Variants in NELFA observed in about 807,000 individuals in gnomAD.
NELFA encodes negative elongation factor complex member A, also known as negative elongation factor A.
A neutral mutation model predicts 51.8 loss-of-function variants in NELFA; 35 were observed. That is an observed-to-expected ratio of 0.68 (90% confidence interval 0.52 to 0.90). The LOEUF is 0.90. NELFA is among the 40% of genes least tolerant of loss of function. The pLI is 0.00. For missense variants in NELFA, 658 were observed against 746.4 expected, an observed-to-expected ratio of 0.88 and a Z score of 1.38; for synonymous variants, 417 against 338.4, an observed-to-expected ratio of 1.23 and a Z score of -2.55.
Position 1,984,815 on chromosome 4 carries a change from C to T in NELFA, c.1029G>A (p.Thr343=), listed in dbSNP as rs2234570. The T allele has an allele frequency of 0.2, 308,522 of 1,557,848 alleles. 36,066 individuals are homozygous for T. The highest frequency in any genetic ancestry group is 0.59 in the East Asian group (24,434 of 41,758). ...PASSYIPSSE[T]PPAPSSREAS... is the part of the protein sequence containing the mutation. ...TGGGGCCAGCAGACTCACCTGGGGG[C>T]GTCTCGGAGCTGGGGATGTAGGAGG... is the stretch of plus-strand genomic sequence containing the variant. Residue 343 remains threonine (T), a synonymous_variant, in exon 8 of 11, where the codon ACG becomes ACA. Transcript: ENST00000382882.
Position 1,983,606 on chromosome 4 carries a change from G to A in NELFA, c.1392C>T (p.Ala464=), listed in dbSNP as rs765255244. ...GCCTTATGAACATACCTCGGGAGCC[G>A]GCCATGAAGCCCAGGATGAGGGCCT... ...PEKALILGFM[A]GSRENPCQEQ... The change falls in exon 10 of 11, where the codon GCC becomes GCT. Residue 464 remains alanine (A), a synonymous_variant. Coordinates refer to ENST00000382882, the MANE Select transcript of NELFA (RefSeq NM_005663.5). 51 of 1,613,908 alleles carry A rather than the reference G, an allele frequency of 3.2e-5. No homozygotes were observed. Among genetic ancestry groups the A allele is most frequent in the East Asian group, 2.7e-4 (12 of 44,884 alleles).
Position 2,008,886 on chromosome 4 carries a change from G to T in NELFA, c.74C>A (p.Ala25Glu). The T allele has an allele frequency of 6.3e-7, 1 of 1,592,592 alleles. No homozygotes were observed. Among genetic ancestry groups the T allele is most frequent in the Non-Finnish European group, 8.5e-7 (1 of 1,170,782 alleles). The change falls in exon 1 of 11, where the codon GCG becomes GAG. Residue 25 changes from alanine to glutamate, a missense_variant. Physicochemically the swap from Ala to Glu is moderately radical, Grantham distance 107. Around this residue, in one of 3 missense-constraint regions of NELFA, gnomAD observed 371 missense variants for 448.3 expected, o/e 0.83. Coordinates refer to ENST00000382882, the MANE Select transcript of NELFA (RefSeq NM_005663.5). ...GAGCAGGGACGCGATGCTGGGCGGC[G>T]CCCACAGCTCGTCCGTGGCCCCCAG... ...NKLGATDELW[A>E]PPSIASLLTA...
chr4:1,993,668 A>G (rs1203376502), intron 1 of NELFA, among the ~76,000 whole-genome samples: 1 of 152,048 alleles, frequency 6.6e-6, no homozygotes, highest in Non-Finnish European at 1.5e-5. Context: ...TTTACTTCTC[A>G]CGGTTCTGGA....
chr4:1,986,070 G>A (rs1048525339), intron 6 of NELFA, 44 bp downstream of exon 6: 78 of 1,541,882 alleles, frequency 5.1e-5, no homozygotes, highest in Non-Finnish European at 5.9e-5. Context: ...GGCAGGGCCC[G>A]CAGGGACCCC....
rs1217556630 is a variant in NELFA at position 1,992,961 on chromosome 4, C to T, written c.211-1246G>A. ...CGCCCCGGCCGCTGACCCTGCGCCC[C>T]GGGCCCTCACTCCCGACGCCCGCCC... On this transcript the variant is annotated intron_variant, in intron 1 of 10. Transcript: ENST00000382882. 2.6e-5 allele frequency among the ~76,000 whole-genome samples: 4 copies of T among 152,180 alleles called. No individual in the cohort carries two copies. In the East Asian group the frequency reaches 7.7e-4, roughly 29 times the overall value.
chr4:1,990,373 A>G (rs887357063), intron 2 of NELFA: 2 of 456,852 alleles, frequency 4.4e-6, no homozygotes, highest in Non-Finnish European at 8.8e-6. Context: ...AAACTGCCCC[A>G]CGAGGGACAG....
At chr4:1,991,943 T>G (rs1010901820) in intron 1 of NELFA, 18 of 476,238 alleles carry the variant, frequency 3.8e-5, no homozygotes, top group African/African-American at 2.0e-5. Context: ...CGGCATCCGG[T>G]GCCCTCCCAG....
intron 1 of NELFA, chr4:2,004,273 C>G (rs1379718038): frequency 6.6e-6 from 1 of 152,058 alleles, no homozygotes; most frequent in East Asian, 1.9e-4. Context: ...CCTGAATAGA[C>G]AAATCTATAG....
intron 1 of NELFA, among the ~76,000 whole-genome samples, chr4:2,005,646 C>T (rs1053935643): frequency 1.3e-5 from 2 of 152,030 alleles, no homozygotes; most frequent in East Asian, 1.9e-4. Context: ...GAGCTGAGAT[C>T]GCGCCACTGC....
At position 1,982,997 on chromosome 4, in the gene NELFA, T is replaced by TAAGA; in HGVS notation, c.*318_*321dup. 2 of 201,786 alleles carry TAAGA rather than the reference T, an allele frequency of 9.9e-6. No homozygotes were observed. Among genetic ancestry groups the TAAGA allele is most frequent in the East Asian group, 1.1e-4 (1 of 8,890 alleles). The allele number at this position is 201,786 out of a possible 1,614,324, so 12.5% of individuals were successfully genotyped here. ...GGAAAATAGAAAAGATTTTAAAAAG[T>TAAGA]AAGAGTCTAACAGGCAGAGCTGTCA... On this transcript the variant is annotated 3_prime_UTR_variant, in exon 11 of 11. Coordinates refer to ENST00000382882, the MANE Select transcript of NELFA (RefSeq NM_005663.5).
At chr4:2,005,649 G>T (rs1293460692) in intron 1 of NELFA, among the ~76,000 whole-genome samples, 1 of 152,050 alleles carries the variant, frequency 6.6e-6, no homozygotes, top group Non-Finnish European at 1.5e-5. Flanking sequence ...CTGAGATCGC[G>T]CCACTGCTCT....
chr4:2,001,612 TAA>T (rs1296953880), intron 1 of NELFA, among the ~76,000 whole-genome samples: 1 of 152,032 alleles, frequency 6.6e-6, no homozygotes, highest in African/African-American at 2.4e-5. Flanking sequence ...TTGAAGAAAA[TAA>T]GAGAGGGGCC....
At chr4:1,999,057 T>C (rs1217918433) in intron 1 of NELFA, among the ~76,000 whole-genome samples, 1 of 151,996 alleles carries the variant, frequency 6.6e-6, no homozygotes, top group African/African-American at 2.4e-5. Context: ...CTAAGCTTCA[T>C]AAGTGAAGGA....
At chr4:2,006,923 A>T (rs1267110919) in intron 1 of NELFA, 1 of 153,354 alleles carries the variant, frequency 6.5e-6, no homozygotes, top group Non-Finnish European at 1.5e-5. Context: ...GAAAAAAGAG[A>T]ATTTAAAAGC....
chr4:2,008,858 C>A lies in NELFA; in HGVS notation c.102G>T (p.Thr34=). 1 of 1,605,536 alleles carries A rather than the reference C, an allele frequency of 6.2e-7. No individual in the cohort carries two copies. The highest frequency in any genetic ancestry group is 1.1e-5 in the South Asian group (1 of 89,270). The part of the protein sequence containing the change: ...WAPPSIASLL[T]AAVIDNIRLC... ...GACGGATGTTGTCGATGACCGCGGC[C>A]GTGAGCAGGGACGCGATGCTGGGCG... Residue 34 remains threonine (T), a synonymous_variant, in exon 1 of 11, where the codon ACG becomes ACT. Transcript: ENST00000382882.
intron 1 of NELFA, among the ~76,000 whole-genome samples, chr4:1,996,925 T>C (rs541628364): frequency 4.5e-4 from 69 of 152,120 alleles, no homozygotes; most frequent in African/African-American, 1.6e-3. Flanking sequence ...GAAGGGTATT[T>C]GAGACACTCT....
At chr4:1,987,832 C>T (rs1342728367) in intron 4 of NELFA, 86 bp downstream of exon 4, 4 of 1,156,742 alleles carry the variant, frequency 3.5e-6, no homozygotes, top group Admixed American at 2.7e-5. Context: ...ACAGGCACCA[C>T]CTCCCCAACA....
At chr4:1,985,205 C>G in intron 7 of NELFA, among the ~76,000 whole-genome samples, 1 of 152,146 alleles carries the variant, frequency 6.6e-6, no homozygotes, top group Non-Finnish European at 1.5e-5. Flanking sequence ...TTTCTTACCA[C>G]GAAGCGTTGA....
intron 1 of NELFA, among the ~76,000 whole-genome samples, chr4:1,993,610 AAAAG>A (rs1315609771): frequency 3.3e-5 from 5 of 151,772 alleles, no homozygotes; most frequent in Admixed American, 6.6e-5. Context: ...AAAGAAAAAG[AAAAG>A]AAAGAAAGAA....
Sources: allele counts gnomAD v4.1 joint callset (sites outside exome capture counted in the v4.1 genomes callset), GRCh38; gene constraint gnomAD v4.1.1; regional missense constraint gnomAD v4.1.1; transcripts MANE v1.5; gene names NCBI Gene and HGNC (gene_info 2026-07-23, HGNC 2026-07-21).